The following SDAD1 variants were observed in gnomAD, a reference collection of about 807,000 sequenced individuals.
The protein encoded by SDAD1 is protein SDA1 homolog.
SDAD1 carries 79 observed loss-of-function variants against 100.3 expected under a neutral mutation model. That is an observed-to-expected ratio of 0.79 (90% CI 0.66 to 0.95). The LOEUF (loss-of-function observed/expected upper bound fraction) is 0.95, where lower values mean the gene tolerates loss of function less well. Among genes scored for constraint, SDAD1 ranks in the 40% least tolerant of loss-of-function variants. The pLI is 0.00. For synonymous variants in SDAD1, 267 were observed against 271.4 expected (o/e 0.98, Z 0.16); for missense variants, 790 against 810.9 (o/e 0.97, Z 0.31).
At chr4:75,955,925 C>T (rs756995953) in intron 21 of SDAD1, 50 bp downstream of exon 21, 1 of 1,544,906 alleles carries the variant, frequency 6.5e-7, no homozygotes, top group African/African-American at 1.4e-5. Context: ...GTAAAGCTGT[C>T]TTGGAATTAC....
At position 75,957,719 on chromosome 4, in the gene SDAD1, C is replaced by A. The variant is rs760602903; in HGVS notation, c.1579-11G>T. 6.2e-7 allele frequency: 1 copy of A among 1,614,068 alleles called. No individual in the cohort carries two copies. Among genetic ancestry groups the A allele is most frequent in the East Asian group, 2.2e-5 (1 of 44,890 alleles). Reference sequence around the variant, plus strand: ...GTTCAGCTTCTTGGACTTGAAACCACACAAGGGCTTAAATGGCTACCAGCT... The same window carrying A: ...GTTCAGCTTCTTGGACTTGAAACCAAACAAGGGCTTAAATGGCTACCAGCT... On this transcript the variant is annotated splice_polypyrimidine_tract_variant and intron_variant, in intron 18 of 21. Transcript: ENST00000356260.
At chr4:75,988,307 C>T (rs1731023684) in intron 1 of SDAD1, among the ~76,000 whole-genome samples, 1 of 152,140 alleles carries the variant, frequency 6.6e-6, no homozygotes, top group African/African-American at 2.4e-5. Flanking sequence ...TCCTCATTCC[C>T]TATTTGGAGC....
intron 10 of SDAD1, among the ~76,000 whole-genome samples, chr4:75,969,909 G>A (rs962202032): frequency 3.3e-5 from 5 of 151,948 alleles, no homozygotes; most frequent in Non-Finnish European, 5.9e-5. Context: ...AATTCGCCAG[G>A]TGAGACCAAT....
intron 8 of SDAD1, among the ~76,000 whole-genome samples, chr4:75,971,780 G>C (rs889462279): frequency 6.6e-6 from 1 of 152,072 alleles, no homozygotes; most frequent in Non-Finnish European, 1.5e-5. Flanking sequence ...GCTGAGGCAG[G>C]AGCATCACTT....
intron 6 of SDAD1, among the ~76,000 whole-genome samples, chr4:75,975,369 A>G (rs1246924850): frequency 1.3e-5 from 2 of 152,216 alleles, no homozygotes; most frequent in African/African-American, 2.4e-5. Context: ...CAGAAGAGAG[A>G]GCACAGATTT....
At chr4:75,959,737 TG>T (rs1729123391) in intron 17 of SDAD1, among the ~76,000 whole-genome samples, 1 of 152,226 alleles carries the variant, frequency 6.6e-6, no homozygotes, top group African/African-American at 2.4e-5. Flanking sequence ...AGGAGAATTT[TG>T]GGGGATTCCT....
rs201934600 is a variant in SDAD1, at chr4:75,950,825, G to A, written c.2017-28C>T. 20 of 1,523,598 alleles carry A rather than the reference G, an allele frequency of 1.3e-5. No individual in the cohort carries two copies. The East Asian group carries it at 4.6e-4, about 35-fold the overall frequency. The allele number at this position is 1,523,598 out of a possible 1,614,324, so 94.4% of individuals were successfully genotyped here. A position where few individuals can be genotyped will look rare whatever the true frequency, so the allele number is the denominator to read the frequency against. ...GTAAGATAAAAAAGTATTGAAACAT[G>A]ATAACTCTTGGGTACCCTATTATAC... is the stretch of plus-strand genomic sequence containing the variant. On this transcript the variant is annotated intron_variant, in intron 21 of 21. Coordinates refer to ENST00000356260, the MANE Select transcript of SDAD1 (RefSeq NM_018115.4).
chr4:75,959,241 T>C (rs1489517230), intron 17 of SDAD1, among the ~76,000 whole-genome samples: 3 of 151,434 alleles, frequency 2.0e-5, no homozygotes, highest in Non-Finnish European at 2.9e-5. Flanking sequence ...GGAAGCCCTC[T>C]AGAGCAGAAA....
Position 75,971,496 on chromosome 4 carries a change from A to G in SDAD1, c.712-38T>C, listed in dbSNP as rs749325635. 19 of 1,421,876 alleles carry G rather than the reference A, an allele frequency of 1.3e-5. No individual in the cohort carries two copies. The Middle Eastern group carries it at 8.8e-4, about 66-fold the overall frequency. 88.1% of individuals were successfully genotyped at this position (1,421,876 alleles called of 1,614,324 possible). A position where few individuals can be genotyped will look rare whatever the true frequency, so the allele number is the denominator to read the frequency against. ...TTACTTTGTAAAATTGTAAACAAGG[A>G]AAATCTGCATAGAATGAAAGAGTAA... is the stretch of plus-strand genomic sequence containing the variant. On this transcript the variant is annotated intron_variant, in intron 8 of 21. Coordinates refer to ENST00000356260, the MANE Select transcript of SDAD1 (RefSeq NM_018115.4).
chr4:75,964,690 G>A (rs1729440908), intron 13 of SDAD1, among the ~76,000 whole-genome samples: 1 of 152,172 alleles, frequency 6.6e-6, no homozygotes, highest in Admixed American at 6.5e-5. Context: ...CCCGAATGGA[G>A]GAACCAGCTG....
chr4:75,975,842 T>C lies in SDAD1; in HGVS notation c.480A>G (p.Val160=). 6.2e-7 allele frequency: 1 copy of C among 1,612,354 alleles called. No individual in the cohort carries two copies. The highest frequency in any genetic ancestry group is 8.5e-7 in the Non-Finnish European group (1 of 1,178,446). The change falls in exon 6 of 22, where the codon GTA becomes GTG. Residue 160 remains valine (V), a splice_region_variant and synonymous_variant. Transcript: ENST00000356260. Reference sequence around the variant, plus strand: ...ACATGGTGTACATGAAATTTTGCAATACCTGCAGAAAAGGAGGAGAAAGAA... The same window carrying C: ...ACATGGTGTACATGAAATTTTGCAACACCTGCAGAAAAGGAGGAGAAAGAA... ...AKHKNNKVNV[V]LQNFMYTMLR...
intron 11 of SDAD1, 137 bp downstream of exon 11, chr4:75,969,159 G>T: frequency 2.2e-6 from 1 of 450,010 alleles, no homozygotes; most frequent in Non-Finnish European, 3.9e-6. Context: ...TTTCAGAGAT[G>T]TTACTCTTCT....
chr4:75,961,607 G>C (rs1478538885), intron 14 of SDAD1, among the ~76,000 whole-genome samples: 2 of 151,960 alleles, frequency 1.3e-5, no homozygotes, highest in African/African-American at 4.8e-5. Context: ...AATAAGAAAG[G>C]TTAAAGTCTT....
chr4:75,989,072 C>T lies in SDAD1; in HGVS notation c.90+1680G>A, dbSNP rs72653605. 4.4e-3 allele frequency among the ~76,000 whole-genome samples: 671 copies of T among 152,278 alleles called. 1 individual carries two copies. Among genetic ancestry groups the T allele is most frequent in the Non-Finnish European group, 7.6e-3 (518 of 68,028 alleles). On this transcript the variant is annotated intron_variant, in intron 1 of 21. Coordinates refer to ENST00000356260, the MANE Select transcript of SDAD1 (RefSeq NM_018115.4). ...TGCTTAAAACTCTTCAATCACTCCC[C>T]GAGGCACTCAGAGTGAAATCTAAAC...
At chr4:75,976,039 AT>A (rs762708747) in intron 4 of SDAD1, 44 bp from the exon 5 acceptor site, 11 of 1,234,280 alleles carry the variant, frequency 8.9e-6, no homozygotes, top group Non-Finnish European at 1.3e-5. Context: ...CCTAACCAAC[AT>A]TTTTAACCTT....
At position 75,961,026 on chromosome 4, in the gene SDAD1, A is replaced by G; in HGVS notation, c.1356+2T>C. 1 of 1,613,124 alleles carries G rather than the reference A, an allele frequency of 6.2e-7. No homozygotes were observed. The highest frequency in any genetic ancestry group is 8.5e-7 in the Non-Finnish European group (1 of 1,179,632). ...AGACCAACATAAGTGTGCTTTACCTACCCGGAATTTCTTCTGCAGCATCTG... is the reference window on the plus strand; with the variant it reads ...AGACCAACATAAGTGTGCTTTACCTGCCCGGAATTTCTTCTGCAGCATCTG... On this transcript the variant is annotated splice_donor_variant, in intron 16 of 21. Transcript: ENST00000356260. LOFTEE classifies it high-confidence loss of function.
chr4:75,972,321 C>T (rs1212935121), intron 8 of SDAD1, among the ~76,000 whole-genome samples: 1 of 151,436 alleles, frequency 6.6e-6, no homozygotes, highest in Non-Finnish European at 1.5e-5. Flanking sequence ...TCATTCTTCA[C>T]AGTAAACCTT....
At chr4:75,970,136 A>T (rs1169516102) in intron 10 of SDAD1, among the ~76,000 whole-genome samples, 173 bp downstream of exon 10, 2 of 152,178 alleles carry the variant, frequency 1.3e-5, no homozygotes, top group Admixed American at 1.3e-4. Flanking sequence ...ATAGACTGGG[A>T]ATCACTGCTT....
intron 3 of SDAD1, among the ~76,000 whole-genome samples, chr4:75,978,808 T>C (rs1730302606): frequency 1.3e-5 from 2 of 149,002 alleles, no homozygotes; most frequent in South Asian, 4.3e-4. Context: ...AGACCTTGTC[T>C]CTACACAAAA....
Sources: allele counts gnomAD v4.1 joint callset (sites outside exome capture counted in the v4.1 genomes callset), GRCh38; gene constraint gnomAD v4.1.1; transcripts MANE v1.5; gene names NCBI Gene and HGNC (gene_info 2026-07-23, HGNC 2026-07-21).